TOX2: variants seen among roughly 807,000 people sequenced by gnomAD.
TOX2 encodes granulosa cell HMG box 1.
Under a neutral mutation model 47.4 loss-of-function variants are expected in TOX2, and 15 were observed. That is an observed-to-expected ratio of 0.32 (90% CI 0.21 to 0.49). The LOEUF (loss-of-function observed/expected upper bound fraction) is 0.49. Ranked by LOEUF, TOX2 falls within the 20% of genes least tolerant of loss-of-function variation. TOX2 has a pLI of 0.99. For missense variants in TOX2, 622 were observed against 673.1 expected (o/e 0.92, Z 0.84); for synonymous variants, 290 against 296.6 (o/e 0.98, Z 0.23).
Position 44,066,108 on chromosome 20 carries a change from G to T in TOX2, c.1356+1G>T, listed in dbSNP as rs1325081694. The T allele has an allele frequency of 1.3e-6, 2 of 1,541,456 alleles. No individual in the cohort carries two copies. Among genetic ancestry groups the T allele is most frequent in the African/African-American group, 2.7e-5 (2 of 73,510 alleles). On this transcript the variant is annotated splice_donor_variant, in intron 7 of 8. Coordinates refer to ENST00000341197, the MANE Select transcript of TOX2 (RefSeq NM_001098797.2). LOFTEE classifies it high-confidence loss of function. ...GAGCCCCTCACCTCCAGGGCCACAG[G>T]TAAGCAGGGAAGAGCAGAACAGCCC...
Position 43,999,722 on chromosome 20 carries a change from C to A in TOX2, c.166-6825C>A, listed in dbSNP as rs555772405. Among the ~76,000 whole-genome samples, 52 of 152,292 alleles carry A rather than the reference C, an allele frequency of 3.4e-4. No homozygotes were observed. The South Asian group carries it at 0.01, about 30-fold the overall frequency. On this transcript the variant is annotated intron_variant, in intron 2 of 8. Coordinates refer to ENST00000341197, the MANE Select transcript of TOX2 (RefSeq NM_001098797.2). ...GGTCTTTTTTGCAGAAATGAAAAATCTGATCCTCAAATTCATATGGAATTG... is the reference window on the plus strand; with the variant it reads ...GGTCTTTTTTGCAGAAATGAAAAATATGATCCTCAAATTCATATGGAATTG...
chr20:44,017,264 T>G (rs1320941133), intron 3 of TOX2, among the ~76,000 whole-genome samples: 1 of 152,180 alleles, frequency 6.6e-6, no homozygotes, highest in East Asian at 1.9e-4. Context: ...CCTGGCTGAG[T>G]ATGAGTATGG....
intron 2 of TOX2, among the ~76,000 whole-genome samples, chr20:43,995,719 G>C (rs2070464036): frequency 6.6e-6 from 1 of 152,090 alleles, no homozygotes; most frequent in East Asian, 1.9e-4. Flanking sequence ...GTGTTGATGA[G>C]TTCTTATCAC....
chr20:43,998,721 A>ATCCATCTGTCTG (rs1555837872), intron 2 of TOX2, among the ~76,000 whole-genome samples: 16 of 26,816 alleles, frequency 6.0e-4, no homozygotes, highest in Non-Finnish European at 1.3e-3. Flanking sequence ...GGCCTGATAC[A>ATCCATCTGTCTG]TCTATCTATC....
At chr20:44,036,224 C>T (rs114682185) in intron 3 of TOX2, among the ~76,000 whole-genome samples, 303 of 152,336 alleles carry the variant, frequency 2.0e-3, no homozygotes, top group African/African-American at 6.7e-3. Context: ...GAGGCTACAA[C>T]GCAAGGTTAG....
chr20:44,007,980 T>G lies in TOX2; in HGVS notation c.411+1188T>G, dbSNP rs75474474. 1.6e-4 allele frequency among the ~76,000 whole-genome samples: 24 copies of G among 152,248 alleles called. 1 individual carries two copies. In the East Asian group the frequency reaches 4.1e-3, roughly 26 times the overall value. On this transcript the variant is annotated intron_variant, in intron 3 of 8. Transcript: ENST00000341197. ...AAAAAAAATTGTATCTTGCTTAAGC[T>G]GCCAGAGAAGAGGGTGATTACTGAG...
intron 1 of TOX2, among the ~76,000 whole-genome samples, chr20:43,946,698 G>A (rs1215444704): frequency 6.6e-6 from 1 of 152,164 alleles, no homozygotes; most frequent in African/African-American, 2.4e-5. Context: ...GGAACTAAGG[G>A]GACTTAAGGG....
chr20:44,006,931 G>C, intron 3 of TOX2, 139 bp downstream of exon 3: 1 of 1,303,140 alleles, frequency 7.7e-7, no homozygotes, highest in Non-Finnish European at 1.0e-6. Context: ...GCTTGGAGTT[G>C]GTAATCCCAT....
At chr20:43,924,393 G>C (rs529483547) in intron 1 of TOX2, among the ~76,000 whole-genome samples, 3 of 152,304 alleles carry the variant, frequency 2.0e-5, no homozygotes, top group Middle Eastern at 3.4e-3. Flanking sequence ...GATGCTCCAG[G>C]GTGGGATTCC....
At chr20:44,040,804 G>C (rs760859025) in intron 3 of TOX2, among the ~76,000 whole-genome samples, 5 of 152,176 alleles carry the variant, frequency 3.3e-5, no homozygotes, top group Non-Finnish European at 7.3e-5. Context: ...AGTGGCCCAA[G>C]GACAGTGAGG....
intron 2 of TOX2, among the ~76,000 whole-genome samples, chr20:43,992,849 C>CA (rs11483440): frequency 0.2 from 15,144 of 74,416 alleles, 2,077 homozygotes; most frequent in African/African-American, 0.42. Context: ...GTAGGGTTTA[C>CA]AAAAAAAAAA....
intron 2 of TOX2, among the ~76,000 whole-genome samples, chr20:43,986,010 C>T (rs1187074281): frequency 6.6e-6 from 1 of 152,122 alleles, no homozygotes; most frequent in Non-Finnish European, 1.5e-5. Context: ...TATAAGTCCC[C>T]TGAAGAAAAC....
intron 3 of TOX2, among the ~76,000 whole-genome samples, chr20:44,020,313 A>G (rs1600744558): frequency 6.6e-6 from 1 of 152,100 alleles, no homozygotes; most frequent in South Asian, 2.1e-4. Flanking sequence ...ACGGCCCCCC[A>G]AGGGAGGGAG....
intron 1 of TOX2, among the ~76,000 whole-genome samples, chr20:43,961,092 G>C (rs2069750659): frequency 6.6e-6 from 1 of 152,276 alleles, no homozygotes; most frequent in African/African-American, 2.4e-5. Context: ...TATGGCGCTA[G>C]GGTCCAATAC....
intron 2 of TOX2, among the ~76,000 whole-genome samples, chr20:43,980,460 A>G (rs144581781): frequency 6.6e-6 from 1 of 152,338 alleles, no homozygotes; most frequent in East Asian, 1.9e-4. Flanking sequence ...ATAGTACAAC[A>G]AAGTATAGTC....
intron 4 of TOX2, among the ~76,000 whole-genome samples, chr20:44,053,574 C>T (rs930088917): frequency 2.1e-4 from 29 of 136,114 alleles, no homozygotes; most frequent in Non-Finnish European, 3.4e-4. Context: ...TATACACACA[C>T]ATATATATAC....
intron 1 of TOX2, chr20:43,945,953 C>T (rs754903405): frequency 8.1e-6 from 13 of 1,614,014 alleles, no homozygotes; most frequent in South Asian, 3.3e-5. Context: ...GGCGCGTTCT[C>T]TCGCTGCCTG....
At chr20:43,948,130 C>T (rs929445123) in intron 1 of TOX2, among the ~76,000 whole-genome samples, 1 of 152,198 alleles carries the variant, frequency 6.6e-6, no homozygotes, top group East Asian at 1.9e-4. Flanking sequence ...ATAACGTGTT[C>T]TCCTGGGGAG....
rs2069094471 is a variant in TOX2, at chr20:43,919,794, T to A, written c.99+4804T>A. On this transcript the variant is annotated intron_variant, in intron 1 of 8. Transcript: ENST00000341197. ...CGGTGTTTGGTTTTCTGTTCCTATG[T>A]TAATTTGCTGAGGATAATGGCTTCC... is the stretch of plus-strand genomic sequence containing the variant. Among the ~76,000 whole-genome samples, 5 of 152,326 alleles carry A rather than the reference T, an allele frequency of 3.3e-5. No homozygotes were observed. The South Asian group carries it at 8.3e-4, about 25-fold the overall frequency.
Sources: gnomAD v4.1 joint callset for allele counts (sites outside exome capture counted in the v4.1 genomes callset) on GRCh38, gnomAD v4.1.1 for gene constraint, MANE v1.5 for transcripts, NCBI Gene and HGNC (gene_info 2026-07-23, HGNC 2026-07-21) for gene names.